Variants in CHLSN observed in about 807,000 individuals in gnomAD.
CHLSN encodes protein cholesin.
chr7:991,686 G>C, the CHLSN span, among the ~76,000 whole-genome samples: 1 of 152,216 alleles, frequency 6.6e-6, no homozygotes, highest in Non-Finnish European at 1.5e-5. Flanking sequence ...GTGTTTCTTT[G>C]TTGCTATTTT....
At chr7:1,116,289 G>GGAT in the CHLSN span, among the ~76,000 whole-genome samples, 16 of 137,272 alleles carry the variant, frequency 1.2e-4, no homozygotes, top group South Asian at 7.1e-4. Context: ...GGCCCACGCA[G>GGAT]GATGACATCA....
chr7:1,026,446 A>G, the CHLSN span: 2 of 152,314 alleles, frequency 1.3e-5, no homozygotes, highest in East Asian at 3.9e-4. Flanking sequence ...CTGTGAGAAC[A>G]CTAACCTGCC....
chr7:1,083,997 A>G, the CHLSN span, among the ~76,000 whole-genome samples: 4 of 152,246 alleles, frequency 2.6e-5, no homozygotes. Context: ...GACAGCAGCT[A>G]ACCTCCCCAG....
At chr7:1,016,837 GCACGCCAGCA>G in the CHLSN span, among the ~76,000 whole-genome samples, 21 of 82,956 alleles carry the variant, frequency 2.5e-4, 4 homozygotes, top group African/African-American at 4.5e-4. Context: ...GCACAGCAGC[GCACGCCAGCA>G]CACAGCAGCA....
chr7:1,054,811 G>C, the CHLSN span, among the ~76,000 whole-genome samples: 2 of 152,246 alleles, frequency 1.3e-5, no homozygotes, highest in African/African-American at 2.4e-5. Flanking sequence ...GGAGACACCA[G>C]ATGCACGTGC....
At chr7:1,114,043 C>T in the CHLSN span, among the ~76,000 whole-genome samples, 2 of 152,184 alleles carry the variant, frequency 1.3e-5, no homozygotes, top group African/African-American at 4.8e-5. Context: ...TCACTGATGC[C>T]CTATTCTTCT....
chr7:1,057,220 G>A, the CHLSN span, among the ~76,000 whole-genome samples: 1 of 152,126 alleles, frequency 6.6e-6, no homozygotes, highest in South Asian at 2.1e-4. Context: ...GTGAAGAGTG[G>A]GCTCTGAGAA....
chr7:1,084,286 C>A, the CHLSN span, among the ~76,000 whole-genome samples: 11 of 152,374 alleles, frequency 7.2e-5, no homozygotes, highest in African/African-American at 2.4e-4. Context: ...GCGGGGGACG[C>A]CAGCGATGCC....
the CHLSN span, among the ~76,000 whole-genome samples, chr7:1,095,574 A>G: frequency 1.3e-5 from 2 of 152,202 alleles, no homozygotes; most frequent in South Asian, 4.1e-4. Flanking sequence ...TACGCAGACG[A>G]GAGACCCAGC....
chr7:986,876 G>A, the CHLSN span: 3 of 1,400,980 alleles, frequency 2.1e-6, no homozygotes, highest in African/African-American at 4.4e-5. Flanking sequence ...CTGGGGAGGG[G>A]TCCATACCGG....
At chr7:1,008,841 A>G in the CHLSN span, among the ~76,000 whole-genome samples, 1 of 102,016 alleles carries the variant, frequency 9.8e-6, no homozygotes, top group South Asian at 3.0e-4. Context: ...GTGTATACAC[A>G]CGCACACACG....
the CHLSN span, chr7:984,819 G>A: frequency 1.5e-5 from 19 of 1,306,010 alleles, no homozygotes; most frequent in African/African-American, 5.9e-5. Context: ...CCAGGGGGAC[G>A]GGAGTGGGGA....
chr7:983,111 T>C, the CHLSN span: 16 of 855,996 alleles, frequency 1.9e-5, no homozygotes, highest in African/African-American at 7.9e-5. Context: ...CTCGGGGTGG[T>C]GGGGTGGGTG....
At chr7:1,069,162 T>C in the CHLSN span, among the ~76,000 whole-genome samples, 1 of 152,074 alleles carries the variant, frequency 6.6e-6, no homozygotes, top group Admixed American at 6.5e-5. Context: ...AGAAACCCCG[T>C]CTGTACTAAA....
the CHLSN span, among the ~76,000 whole-genome samples, chr7:1,051,928 T>C: frequency 2.0e-5 from 3 of 152,322 alleles, no homozygotes; most frequent in African/African-American, 7.2e-5. Flanking sequence ...CAGTTAGCTA[T>C]GATGGTACCA....
chr7:1,132,953 G>A, the CHLSN span, among the ~76,000 whole-genome samples: 5 of 152,146 alleles, frequency 3.3e-5, no homozygotes, highest in East Asian at 7.7e-4. Flanking sequence ...AAAGAGAAAC[G>A]AACACATCTC....
At chr7:984,477 G>A in the CHLSN span, 62 of 1,551,702 alleles carry the variant, frequency 4.0e-5, no homozygotes, top group African/African-American at 8.2e-5. Flanking sequence ...TGGTGCTGAC[G>A]GGGTTCGAGG....
chr7:1,084,033 T>G, the CHLSN span, among the ~76,000 whole-genome samples: 1 of 152,212 alleles, frequency 6.6e-6, no homozygotes. Flanking sequence ...ATGGAAGACA[T>G]GGCAAGTCTG....
At chr7:1,053,423 C>T in the CHLSN span, among the ~76,000 whole-genome samples, 4 of 152,192 alleles carry the variant, frequency 2.6e-5, no homozygotes, top group South Asian at 2.1e-4. Flanking sequence ...GGGTCGGGCA[C>T]GCGTCACGAG....
Sources: allele counts gnomAD v4.1 joint callset (sites outside exome capture counted in the v4.1 genomes callset), GRCh38; gene constraint gnomAD v4.1.1; transcripts MANE v1.5; gene names NCBI Gene and HGNC (gene_info 2026-07-23, HGNC 2026-07-21).